The following CPNE4 variants were observed in gnomAD, a reference collection of about 807,000 sequenced individuals.
CPNE4 encodes the protein copine-4.
Under a neutral mutation model 67.9 loss-of-function variants are expected in CPNE4, and 25 were observed. The ratio of observed to expected loss-of-function variants is 0.37; its 90% CI spans 0.27 to 0.51. The LOEUF (loss-of-function observed/expected upper bound fraction) is 0.51, where lower values mean the gene tolerates loss of function less well. CPNE4 is among the 20% of genes least tolerant of loss of function. CPNE4 has a pLI of 0.93. For missense variants in CPNE4, 464 were observed against 690.8 expected, an observed-to-expected ratio of 0.67 and a Z score of 3.68; for synonymous variants, 242 against 244.9, an observed-to-expected ratio of 0.99 and a Z score of 0.11.
At chr3:131,546,991 G>C (rs1582767183) in intron 14 of CPNE4, among the ~76,000 whole-genome samples, 2 of 152,100 alleles carry the variant, frequency 1.3e-5, no homozygotes, top group Admixed American at 6.5e-5. Flanking sequence ...GCTGAAAAAA[G>C]GTTAAAAAAT....
At chr3:131,771,486 A>T (rs369013431) in intron 2 of CPNE4, among the ~76,000 whole-genome samples, 1 of 152,052 alleles carries the variant, frequency 6.6e-6, no homozygotes, top group African/African-American at 2.4e-5. Flanking sequence ...GTAACTTCCC[A>T]TAAGAGCTGA....
intron 4 of CPNE4, 136 bp from the exon 5 acceptor site, chr3:131,696,752 A>G: frequency 1.4e-6 from 1 of 722,794 alleles, no homozygotes; most frequent in Non-Finnish European, 2.4e-6. Flanking sequence ...CCACAACCCT[A>G]GTGACTACAG....
At chr3:131,966,817 A>G (rs974558592) in intron 1 of CPNE4, among the ~76,000 whole-genome samples, 1 of 152,220 alleles carries the variant, frequency 6.6e-6, no homozygotes, top group Non-Finnish European at 1.5e-5. Flanking sequence ...CAGAGCTGGT[A>G]CCTTTCCTTC....
chr3:131,930,907 C>G (rs559721771), intron 1 of CPNE4, among the ~76,000 whole-genome samples: 116 of 152,208 alleles, frequency 7.6e-4, no homozygotes, highest in Non-Finnish European at 1.4e-3. Context: ...CCTCTCTTCA[C>G]ATGCCTGCGC....
chr3:131,840,399 C>T (rs1409922969), intron 2 of CPNE4, among the ~76,000 whole-genome samples: 1 of 152,194 alleles, frequency 6.6e-6, no homozygotes, highest in Non-Finnish European at 1.5e-5. Context: ...AGGAAACAGT[C>T]AGCCAAAATA....
intron 1 of CPNE4, among the ~76,000 whole-genome samples, chr3:131,920,039 GTTTGGCAAATTGTTAAACTCAAATC>G (rs2070698264): frequency 6.6e-6 from 1 of 152,124 alleles, no homozygotes; most frequent in Non-Finnish European, 1.5e-5. Flanking sequence ...GCTTAGGGAT[GTTTGGCAAATTGTTAAACTCAAATC>G]TGATCAGGTC....
intron 2 of CPNE4, among the ~76,000 whole-genome samples, chr3:131,786,066 T>C (rs1191619496): frequency 1.3e-5 from 2 of 152,128 alleles, no homozygotes; most frequent in African/African-American, 4.8e-5. Flanking sequence ...TCTCTTGTTT[T>C]ACATGAAGGT....
chr3:131,855,223 C>T (rs2086393434), intron 2 of CPNE4, among the ~76,000 whole-genome samples: 1 of 151,928 alleles, frequency 6.6e-6, no homozygotes, highest in Non-Finnish European at 1.5e-5. Flanking sequence ...GTACTCATTG[C>T]TCTGTGATTG....
intron 10 of CPNE4, among the ~76,000 whole-genome samples, chr3:131,565,439 C>T (rs1189683017): frequency 6.6e-6 from 1 of 151,858 alleles, no homozygotes; most frequent in Non-Finnish European, 1.5e-5. Context: ...CAACAAATAA[C>T]TGGAATGCAC....
chr3:131,853,982 T>C (rs796557620), intron 2 of CPNE4, among the ~76,000 whole-genome samples: 4 of 151,912 alleles, frequency 2.6e-5, no homozygotes, highest in Admixed American at 2.6e-4. Context: ...TGGAGTTTCT[T>C]ATAAAGTTAA....
intron 2 of CPNE4, among the ~76,000 whole-genome samples, chr3:131,865,537 C>A (rs1402964120): frequency 6.6e-6 from 1 of 151,984 alleles, no homozygotes; most frequent in Non-Finnish European, 1.5e-5. Context: ...ATATAATCAC[C>A]CCTATAAGGG....
At chr3:131,847,380 T>A (rs1342660788) in intron 2 of CPNE4, among the ~76,000 whole-genome samples, 1 of 152,192 alleles carries the variant, frequency 6.6e-6, no homozygotes, top group Non-Finnish European at 1.5e-5. Context: ...GTGTAACTAG[T>A]TCTGGAAACT....
chr3:131,763,444 A>C (rs16837796), intron 2 of CPNE4, among the ~76,000 whole-genome samples: 8,677 of 152,202 alleles, frequency 0.057, 425 homozygotes, highest in African/African-American at 0.14. Flanking sequence ...GCTCAAGTTA[A>C]TGATAGTCCT....
At chr3:131,886,555 C>A (rs1384623884) in intron 2 of CPNE4, among the ~76,000 whole-genome samples, 1 of 150,900 alleles carries the variant, frequency 6.6e-6, no homozygotes, top group African/African-American at 2.4e-5. Context: ...AATGGTAGAT[C>A]TACTGACAGT....
At chr3:131,970,380 G>A (rs2072469968) in intron 1 of CPNE4, among the ~76,000 whole-genome samples, 1 of 152,158 alleles carries the variant, frequency 6.6e-6, no homozygotes, top group African/African-American at 2.4e-5. Flanking sequence ...AGTGTATGCT[G>A]ACCAATACAG....
chr3:131,725,054 A>G (rs7429462), intron 2 of CPNE4, among the ~76,000 whole-genome samples: 39,244 of 152,166 alleles, frequency 0.26, 5,335 homozygotes, highest in South Asian at 0.32. Context: ...TCAAATAGAA[A>G]TATGGTTTAT....
chr3:131,657,681 C>T (rs895722929), intron 7 of CPNE4, among the ~76,000 whole-genome samples: 3 of 149,818 alleles, frequency 2.0e-5, no homozygotes, highest in Admixed American at 6.7e-5. Flanking sequence ...ATTACAGGCA[C>T]GTGCCACCAC....
chr3:131,844,572 T>C (rs186578295), intron 2 of CPNE4, among the ~76,000 whole-genome samples: 51 of 152,286 alleles, frequency 3.3e-4, no homozygotes, highest in Admixed American at 9.2e-4. Context: ...TATGTTCTTA[T>C]ATGCAATGTT....
At chr3:131,624,913 A>G (rs373930540) in intron 7 of CPNE4, among the ~76,000 whole-genome samples, 1 of 152,210 alleles carries the variant, frequency 6.6e-6, no homozygotes, top group Non-Finnish European at 1.5e-5. Flanking sequence ...TGCACTTCTC[A>G]TGCACAGAAG....
Sources: allele counts gnomAD v4.1 joint callset (sites outside exome capture counted in the v4.1 genomes callset), GRCh38; gene constraint gnomAD v4.1.1; transcripts MANE v1.5; gene names NCBI Gene and HGNC (gene_info 2026-07-23, HGNC 2026-07-21).